Variants in DENND1A observed in about 807,000 individuals in gnomAD.
DENND1A encodes DENN domain-containing protein 1A.
DENND1A carries 51 observed loss-of-function variants against 113.7 expected under a neutral mutation model. The observed-to-expected ratio is 0.45, with a 90% CI of 0.36 to 0.57. The LOEUF (loss-of-function observed/expected upper bound fraction) is 0.57. Among genes scored for constraint, DENND1A ranks in the 20% least tolerant of loss-of-function variants. The pLI, the probability that DENND1A is intolerant of heterozygous loss-of-function variation, is 0.00. For missense variants in DENND1A, 1,258 were observed against 1,395.9 expected (o/e 0.90, Z 1.57); for synonymous variants, 565 against 570.8 (o/e 0.99, Z 0.14).
chr9:123,575,176 T>C (rs1157846307), intron 12 of DENND1A, among the ~76,000 whole-genome samples: 1 of 152,114 alleles, frequency 6.6e-6, no homozygotes, highest in Non-Finnish European at 1.5e-5. Context: ...CAAGGGAGGA[T>C]GGTTTTGGGA....
At chr9:123,665,949 GAAC>G (rs1451334555) in intron 8 of DENND1A, among the ~76,000 whole-genome samples, 4 of 152,162 alleles carry the variant, frequency 2.6e-5, no homozygotes, top group Non-Finnish European at 4.4e-5. Context: ...AAATAACTCA[GAAC>G]AAAAGGACAA....
chr9:123,733,206 C>T (rs2068308681), intron 5 of DENND1A, among the ~76,000 whole-genome samples: 1 of 152,062 alleles, frequency 6.6e-6, no homozygotes, highest in Non-Finnish European at 1.5e-5. Flanking sequence ...GTCTCAAACT[C>T]CCAACCTCAG....
intron 11 of DENND1A, among the ~76,000 whole-genome samples, chr9:123,590,542 T>C (rs571647013): frequency 1.3e-5 from 2 of 152,296 alleles, no homozygotes; most frequent in African/African-American, 4.8e-5. Context: ...TTGTGAGGAT[T>C]CAATGGGTTA....
chr9:123,844,574 AC>A (rs1387563938), intron 2 of DENND1A, among the ~76,000 whole-genome samples: 1 of 152,156 alleles, frequency 6.6e-6, no homozygotes, highest in Admixed American at 6.5e-5. Flanking sequence ...CCTAAACATT[AC>A]CTTAATAAAT....
intron 2 of DENND1A, among the ~76,000 whole-genome samples, chr9:123,796,895 C>CAAAACACCG (rs1268360379): frequency 6.6e-6 from 1 of 152,096 alleles, no homozygotes; most frequent in African/African-American, 2.4e-5. Flanking sequence ...ACACCGACTT[C>CAAAACACCG]ACTTTGTACA....
At chr9:123,879,250 A>T (rs958096005) in intron 1 of DENND1A, among the ~76,000 whole-genome samples, 4 of 152,094 alleles carry the variant, frequency 2.6e-5, no homozygotes, top group African/African-American at 9.7e-5. Flanking sequence ...ATATATATAC[A>T]GGTCAGGTGT....
chr9:123,887,931 G>GTA (rs1328537749), intron 1 of DENND1A, among the ~76,000 whole-genome samples: 4 of 152,074 alleles, frequency 2.6e-5, no homozygotes, highest in Non-Finnish European at 5.9e-5. Flanking sequence ...AGGTTTATAT[G>GTA]TATATATATA....
At chr9:123,642,872 A>T (rs1284640972) in intron 9 of DENND1A, among the ~76,000 whole-genome samples, 1 of 152,230 alleles carries the variant, frequency 6.6e-6, no homozygotes, top group Non-Finnish European at 1.5e-5. Flanking sequence ...CACATCATTC[A>T]GGTGCTCAGC....
intron 9 of DENND1A, among the ~76,000 whole-genome samples, chr9:123,643,255 A>G (rs1326136997): frequency 6.6e-6 from 1 of 152,156 alleles, no homozygotes; most frequent in Non-Finnish European, 1.5e-5. Context: ...AGAGGGTGCC[A>G]GTTTATTTTT....
intron 1 of DENND1A, among the ~76,000 whole-genome samples, chr9:123,918,024 G>A (rs1855493865): frequency 6.6e-6 from 1 of 151,320 alleles, no homozygotes; most frequent in Admixed American, 6.6e-5. Context: ...TGAGGCAGGA[G>A]AATAGCGTGA....
intron 4 of DENND1A, among the ~76,000 whole-genome samples, chr9:123,758,263 TC>T (rs1243663175): frequency 6.6e-6 from 1 of 152,192 alleles, no homozygotes; most frequent in East Asian, 1.9e-4. Context: ...CTAACAATCC[TC>T]ACCTGAGAAC....
intron 2 of DENND1A, among the ~76,000 whole-genome samples, chr9:123,798,993 T>C (rs1417068697): frequency 6.6e-6 from 1 of 152,162 alleles, no homozygotes; most frequent in Non-Finnish European, 1.5e-5. Context: ...CTTTTTTGAA[T>C]GAGTAACCTG....
At chr9:123,457,543 G>T in intron 14 of DENND1A, 108 bp from the exon 15 acceptor site, 1 of 925,354 alleles carries the variant, frequency 1.1e-6, no homozygotes, top group Non-Finnish European at 1.7e-6. Context: ...CAAAAAGTAA[G>T]GTTCAACAGG....
At chr9:123,816,825 T>C (rs1837572722) in intron 2 of DENND1A, among the ~76,000 whole-genome samples, 1 of 152,146 alleles carries the variant, frequency 6.6e-6, no homozygotes. Context: ...TAAAGGAACA[T>C]AGTAGATACA....
At chr9:123,497,102 G>A (rs2051992455) in intron 13 of DENND1A, among the ~76,000 whole-genome samples, 1 of 152,194 alleles carries the variant, frequency 6.6e-6, no homozygotes, top group Admixed American at 6.5e-5. Context: ...TCCAGGCTGA[G>A]TTTGATGTCT....
At chr9:123,759,971 AAAG>A (rs1277736899) in intron 4 of DENND1A, among the ~76,000 whole-genome samples, 3 of 152,240 alleles carry the variant, frequency 2.0e-5, no homozygotes, top group Non-Finnish European at 1.5e-5. Context: ...TATCTCAGAA[AAAG>A]AAGAAAAGAG....
chr9:123,895,290 C>T (rs1368168751), intron 1 of DENND1A, among the ~76,000 whole-genome samples: 1 of 151,910 alleles, frequency 6.6e-6, no homozygotes, highest in Admixed American at 6.6e-5. Flanking sequence ...TTTTTTCCAT[C>T]TTCTCAGATA....
At chr9:123,916,475 C>G (rs1244407545) in intron 1 of DENND1A, among the ~76,000 whole-genome samples, 2 of 150,758 alleles carry the variant, frequency 1.3e-5, no homozygotes, top group African/African-American at 4.9e-5. Context: ...CAGGTTCAAG[C>G]AGTTCTCCTG....
rs540007030 is a variant in DENND1A at position 123,486,783 on chromosome 9, C to T, written c.994-28886G>A. Among the ~76,000 whole-genome samples the T allele has an allele frequency of 5.3e-5, 8 of 152,316 alleles. No individual in the cohort carries two copies. In the East Asian group the frequency reaches 1.5e-3, roughly 29 times the overall value. The stretch of plus-strand genomic sequence containing the variant: ...TTCCATGGTCCCCCAACCTTCTGGG[C>T]ACCCTCCACCCTCCTATTGACCACA... On this transcript the variant is annotated intron_variant, in intron 13 of 23. Transcript: ENST00000394215.
Sources: gnomAD v4.1 joint callset for allele counts (sites outside exome capture counted in the v4.1 genomes callset) on GRCh38, gnomAD v4.1.1 for gene constraint, MANE v1.5 for transcripts, NCBI Gene and HGNC (gene_info 2026-07-23, HGNC 2026-07-21) for gene names.